Variants in DNAH14 observed in about 807,000 individuals in gnomAD.
The protein encoded by DNAH14 is axonemal beta dynein heavy chain 14.
A neutral mutation model predicts 520.9 loss-of-function variants in DNAH14; 478 were observed. The ratio of observed to expected loss-of-function variants is 0.92; its 90% CI spans 0.85 to 0.99. The LOEUF (loss-of-function observed/expected upper bound fraction) is 0.99. Among genes scored for constraint, DNAH14 ranks in the 50% least tolerant of loss-of-function variants. DNAH14 has a pLI of 0.00. For synonymous variants in DNAH14, 1,581 were observed against 1,757.2 expected (o/e 0.90, Z 2.51); for missense variants, 4,831 against 5,234.5 (o/e 0.92, Z 2.38).
intron 77 of DNAH14, among the ~76,000 whole-genome samples, chr1:225,371,916 G>A (rs371175417): frequency 1.6e-4 from 24 of 152,272 alleles, no homozygotes; most frequent in Admixed American, 3.3e-4. Flanking sequence ...CATTTGTTGA[G>A]AGCTTAAAAT....
chr1:225,324,380 C>T, intron 63 of DNAH14, 27 bp downstream of exon 63: 2 of 1,544,968 alleles, frequency 1.3e-6, no homozygotes, highest in Non-Finnish European at 1.7e-6. Flanking sequence ...AAACATCTGT[C>T]ATGATTTGGA....
At chr1:225,036,336 T>C (rs973257324) in intron 11 of DNAH14, among the ~76,000 whole-genome samples, 5 of 151,984 alleles carry the variant, frequency 3.3e-5, no homozygotes, top group Admixed American at 6.6e-5. Flanking sequence ...GGGGTTTCAC[T>C]ATGTTGGCCA....
chr1:225,009,228 A>G (rs951873476), intron 10 of DNAH14, among the ~76,000 whole-genome samples: 1 of 152,044 alleles, frequency 6.6e-6, no homozygotes, highest in East Asian at 1.9e-4. Context: ...TAGGGTTTTT[A>G]TGGTTTTAGG....
intron 31 of DNAH14, among the ~76,000 whole-genome samples, chr1:225,151,601 C>G (rs2080507962): frequency 6.6e-6 from 1 of 152,228 alleles, no homozygotes; most frequent in Non-Finnish European, 1.5e-5. Flanking sequence ...GCTAGGGACA[C>G]TTGGGAGACA....
At chr1:225,264,695 G>A (rs74147183) in intron 47 of DNAH14, among the ~76,000 whole-genome samples, 2,117 of 152,172 alleles carry the variant, frequency 0.014, 48 homozygotes, top group African/African-American at 0.048. Context: ...TGACTCTCTA[G>A]TTTTGGGAAC....
chr1:225,294,608 G>A (rs963992715), intron 55 of DNAH14, among the ~76,000 whole-genome samples: 1 of 152,078 alleles, frequency 6.6e-6, no homozygotes, highest in Non-Finnish European at 1.5e-5. Flanking sequence ...ATCACCTGAG[G>A]TCAAAAGTTC....
chr1:225,398,646 A>T lies in DNAH14; in HGVS notation c.13618A>T (p.Ile4540Leu). 6.4e-7 allele frequency: 1 copy of T among 1,551,642 alleles called. No homozygotes were observed. Among genetic ancestry groups the T allele is most frequent in the Non-Finnish European group, 8.7e-7 (1 of 1,146,904 alleles). ...PLEMCCDFPD[I>L]YFLPTKISTK... is the part of the protein sequence containing the mutation. ...GGAGATGTGCTGTGATTTTCCCGAC[A>T]TATACTTTTTGCCAACAAAGGTAAT... The change falls in exon 85 of 86, where the codon ATA becomes TTA. Residue 4540 changes from isoleucine (I) to leucine (L), a missense_variant. Transcript: ENST00000682510.
chr1:225,126,985 C>T (rs1377141748), intron 27 of DNAH14, among the ~76,000 whole-genome samples: 3 of 151,178 alleles, frequency 2.0e-5, no homozygotes, highest in African/African-American at 7.3e-5. Flanking sequence ...CATTCAGGAG[C>T]AGGTTGTTCA....
chr1:225,103,254 T>C (rs929292856), intron 23 of DNAH14, among the ~76,000 whole-genome samples: 9 of 152,236 alleles, frequency 5.9e-5, no homozygotes, highest in Non-Finnish European at 1.2e-4. Flanking sequence ...TCTATATCTC[T>C]GTTTTGGTAT....
At chr1:225,337,176 T>G in intron 66 of DNAH14, 90 bp from the exon 67 acceptor site, 2 of 1,052,480 alleles carry the variant, frequency 1.9e-6, no homozygotes, top group Admixed American at 2.6e-5. Flanking sequence ...CTAAAGGCAG[T>G]GATTCTGTAG....
chr1:225,332,056 T>C (rs978843534), intron 65 of DNAH14, among the ~76,000 whole-genome samples: 1 of 152,022 alleles, frequency 6.6e-6, no homozygotes, highest in African/African-American at 2.4e-5. Flanking sequence ...ATAAAGAACA[T>C]TTTATTTTGT....
At chr1:225,094,702 A>AAC (rs372523894) in intron 21 of DNAH14, among the ~76,000 whole-genome samples, 1,962 of 147,640 alleles carry the variant, frequency 0.013, 68 homozygotes, top group African/African-American at 0.047. Flanking sequence ...AAACAAAAAA[A>AAC]CGCTATCAAC....
intron 72 of DNAH14, among the ~76,000 whole-genome samples, chr1:225,352,525 T>C (rs2095379358): frequency 6.6e-6 from 1 of 152,170 alleles, no homozygotes; most frequent in Admixed American, 6.5e-5. Context: ...AAATTATTTT[T>C]ATGTTAACAG....
rs2095929263 is a variant in DNAH14, at chr1:225,392,389, A to G, written c.13429A>G (p.Lys4477Glu). The change falls in exon 84 of 86, where the codon AAG becomes GAG. Residue 4477 changes from lysine (K) to glutamate (E), a missense_variant. Lys to Glu is a moderately conservative substitution (Grantham distance 56). Coordinates refer to ENST00000682510, the MANE Select transcript of DNAH14 (RefSeq NM_001367479.1). ...THHVISNTTDKDEKFSVFMPK... is the reference protein window; with the variant it reads ...THHVISNTTDEDEKFSVFMPK... ...CCATGTGATTTCCAACACCACTGAC[A>G]AGGATGAGAAGTTCTCCGTATTTAT... The G allele has an allele frequency of 6.4e-7, 1 of 1,552,048 alleles. No homozygotes were observed. The highest frequency in any genetic ancestry group is 8.7e-7 in the Non-Finnish European group (1 of 1,147,108).
chr1:225,320,055 G>A lies in DNAH14; in HGVS notation c.9335+1378G>A, dbSNP rs190464367. Among the ~76,000 whole-genome samples the A allele has an allele frequency of 3.3e-4, 51 of 152,268 alleles. 1 individual carries two copies. The East Asian group carries it at 9.3e-3, about 28-fold the overall frequency. On this transcript the variant is annotated intron_variant, in intron 61 of 85. Transcript: ENST00000682510. ...TGTTCCAGAAGGTTCTATCCTCTTA[G>A]CTTTTTTTTCTAGCAGATATTCCCT...
intron 41 of DNAH14, among the ~76,000 whole-genome samples, chr1:225,227,528 T>C (rs1389790732): frequency 1.3e-5 from 2 of 152,158 alleles, no homozygotes; most frequent in African/African-American, 4.8e-5. Flanking sequence ...AAATGAAGTT[T>C]CTTATGCCTG....
Position 225,085,708 on chromosome 1 carries a change from A to G in DNAH14, c.3492A>G (p.Ile1164Met). 1 of 1,551,514 alleles carries G rather than the reference A, an allele frequency of 6.4e-7. No homozygotes were observed. Among genetic ancestry groups the G allele is most frequent in the South Asian group, 1.2e-5 (1 of 84,052 alleles). Residue 1164 changes from isoleucine (I) to methionine (M), a missense_variant, in exon 21 of 86, where the codon ATA becomes ATG. Ile to Met is a conservative substitution (Grantham distance 10). Transcript: ENST00000682510. ...EIYSIFIIPSIDDISAQLEES... is the reference protein window; with the variant it reads ...EIYSIFIIPSMDDISAQLEES... ...ACTCTATCTTCATAATTCCATCTAT[A>G]GATGACATATCAGCTCAGTTAGAAG...
At chr1:224,955,130 G>T in intron 3 of DNAH14, 32 bp downstream of exon 3, 1 of 1,586,958 alleles carries the variant, frequency 6.3e-7, no homozygotes, top group Non-Finnish European at 8.5e-7. Context: ...CTGGCATGTT[G>T]ATTTATATTT....
chr1:224,994,944 T>C (rs940571309), intron 8 of DNAH14, among the ~76,000 whole-genome samples: 3 of 152,144 alleles, frequency 2.0e-5, no homozygotes, highest in Admixed American at 6.6e-5. Flanking sequence ...TTCTACACTT[T>C]TATTCTTCTT....
Sources: gnomAD v4.1 joint callset for allele counts (sites outside exome capture counted in the v4.1 genomes callset) on GRCh38, gnomAD v4.1.1 for gene constraint, MANE v1.5 for transcripts, NCBI Gene and HGNC (gene_info 2026-07-23, HGNC 2026-07-21) for gene names.